OSTF1: variants seen among roughly 807,000 people sequenced by gnomAD.
OSTF1 encodes the protein osteoclast stimulating factor 1, also known as osteoclast-stimulating factor 1.
Under a neutral mutation model 37.2 loss-of-function variants are expected in OSTF1, and 27 were observed. That is an observed-to-expected ratio of 0.73 (90% CI 0.54 to 1.00). The LOEUF (loss-of-function observed/expected upper bound fraction) is 1.00, where lower values mean the gene tolerates loss of function less well. Ranked by LOEUF, OSTF1 falls within the 50% of genes least tolerant of loss-of-function variation. The pLI is 0.00. For synonymous variants in OSTF1, 82 were observed against 89.2 expected, an observed-to-expected ratio of 0.92 and a Z score of 0.46; for missense variants, 232 against 253.8, an observed-to-expected ratio of 0.91 and a Z score of 0.58.
intron 1 of OSTF1, among the ~76,000 whole-genome samples, chr9:75,095,530 A>G (rs1825060545): frequency 6.6e-6 from 1 of 152,160 alleles, no homozygotes; most frequent in African/African-American, 2.4e-5. Context: ...AAGGGGGAAA[A>G]GTCATTTGAT....
At chr9:75,134,478 T>C (rs2118599156) in intron 7 of OSTF1, 83 bp downstream of exon 7, 1 of 699,998 alleles carries the variant, frequency 1.4e-6, no homozygotes, top group South Asian at 1.8e-5. Context: ...ATGTGAAGTA[T>C]TGTAGTCAAA....
At chr9:75,139,040 T>C (rs1327431703) in intron 8 of OSTF1, among the ~76,000 whole-genome samples, 1 of 144,836 alleles carries the variant, frequency 6.9e-6, no homozygotes, top group South Asian at 2.2e-4. Flanking sequence ...CTTTCTTTCT[T>C]TCTTTCTTTC....
At chr9:75,128,784 A>G (rs768923903) in intron 3 of OSTF1, among the ~76,000 whole-genome samples, 1 of 151,380 alleles carries the variant, frequency 6.6e-6, no homozygotes, top group Non-Finnish European at 1.5e-5. Context: ...TTTTCAGCAT[A>G]GCAAAAAGGA....
Position 75,088,621 on chromosome 9 carries a change from G to A in OSTF1, c.-72G>A, listed in dbSNP as rs1032741482. On this transcript the variant is annotated 5_prime_UTR_variant, in exon 1 of 10. Coordinates refer to ENST00000346234, the MANE Select transcript of OSTF1 (RefSeq NM_012383.5). Reference sequence around the variant, plus strand: ...CCAGACAAAAAGAACTGGGGTGCCCGGAGTGCCAGGTGGCGGGCAAGCGGT... The same window carrying A: ...CCAGACAAAAAGAACTGGGGTGCCCAGAGTGCCAGGTGGCGGGCAAGCGGT... 11 of 1,497,110 alleles carry A rather than the reference G, an allele frequency of 7.3e-6. No individual in the cohort carries two copies. In the African/African-American group the frequency reaches 1.1e-4, roughly 15 times the overall value. 92.7% of individuals were successfully genotyped at this position (1,497,110 alleles called of 1,614,324 possible). A position where few individuals can be genotyped will look rare whatever the true frequency, so the allele number is the denominator to read the frequency against.
At chr9:75,135,552 C>A (rs1825829139) in intron 7 of OSTF1, among the ~76,000 whole-genome samples, 1 of 152,170 alleles carries the variant, frequency 6.6e-6, no homozygotes, top group Admixed American at 6.5e-5. Flanking sequence ...ATTGAACCTT[C>A]AGTTTTCTTA....
At chr9:75,105,755 T>C (rs1389383241) in intron 1 of OSTF1, among the ~76,000 whole-genome samples, 1 of 152,196 alleles carries the variant, frequency 6.6e-6, no homozygotes, top group East Asian at 1.9e-4. Context: ...GAACCATTGC[T>C]TTCTTTCTCT....
intron 1 of OSTF1, among the ~76,000 whole-genome samples, chr9:75,101,111 C>T (rs1468863749): frequency 6.6e-6 from 1 of 152,210 alleles, no homozygotes; most frequent in Admixed American, 6.5e-5. Flanking sequence ...CCAGATCCTC[C>T]TGACTTCTGC....
chr9:75,133,961 A>G (rs1825805395), intron 6 of OSTF1, among the ~76,000 whole-genome samples: 1 of 152,208 alleles, frequency 6.6e-6, no homozygotes, highest in African/African-American at 2.4e-5. Context: ...AATAAACTCA[A>G]CAACAATAAG....
At chr9:75,139,109 C>G (rs1357833955) in intron 8 of OSTF1, among the ~76,000 whole-genome samples, 1 of 136,298 alleles carries the variant, frequency 7.3e-6, no homozygotes, top group East Asian at 2.1e-4. Flanking sequence ...GTGGCATGAT[C>G]TCGGCTCATT....
chr9:75,127,559 T>C lies in OSTF1; in HGVS notation c.82-10T>C, dbSNP rs866410978. ...AATCACATGGAGTCAAACTTTTTTTTTTCTTCTAGCCAGATGAATTATACT... is the reference window on the plus strand; with the variant it reads ...AATCACATGGAGTCAAACTTTTTTTCTTCTTCTAGCCAGATGAATTATACT... On this transcript the variant is annotated splice_polypyrimidine_tract_variant and intron_variant, in intron 2 of 9. Transcript: ENST00000346234. 14 of 1,541,900 alleles carry C rather than the reference T, an allele frequency of 9.1e-6. 1 individual carries two copies. In the East Asian group the frequency reaches 2.1e-4, roughly 23 times the overall value.
intron 1 of OSTF1, among the ~76,000 whole-genome samples, chr9:75,092,510 C>T (rs1177184247): frequency 6.6e-6 from 1 of 152,124 alleles, no homozygotes; most frequent in Non-Finnish European, 1.5e-5. Flanking sequence ...CCCATATTTA[C>T]AAGTGGATGG....
At chr9:75,139,447 T>C (rs993077285) in intron 8 of OSTF1, among the ~76,000 whole-genome samples, 1 of 152,164 alleles carries the variant, frequency 6.6e-6, no homozygotes, top group Non-Finnish European at 1.5e-5. Context: ...TTGGTTTTCT[T>C]TGAGACTGTC....
chr9:75,088,704 G>T lies in OSTF1; in HGVS notation c.12G>T (p.Pro4=). ...CTCCAGGAAGCGAGATGTCGAAGCC[G>T]CCACCCAAACCAGTCAAACCAGGTG... is the stretch of plus-strand genomic sequence containing the variant. MSK[P]PPKPVKPGQV... is the part of the protein sequence containing the mutation. Residue 4 remains proline, a synonymous_variant, in exon 1 of 10, where the codon CCG becomes CCT. Transcript: ENST00000346234. 6.2e-7 allele frequency: 1 copy of T among 1,609,056 alleles called. No homozygotes were observed. Among genetic ancestry groups the T allele is most frequent in the Non-Finnish European group, 8.5e-7 (1 of 1,177,552 alleles).
intron 2 of OSTF1, among the ~76,000 whole-genome samples, chr9:75,123,429 C>CA (rs1012913412): frequency 1.8e-4 from 28 of 151,814 alleles, no homozygotes; most frequent in African/African-American, 6.8e-4. Flanking sequence ...CTCAAAAAAA[C>CA]AAAAAAACAA....
chr9:75,119,622 C>G (rs946155287), intron 2 of OSTF1, among the ~76,000 whole-genome samples: 1 of 152,302 alleles, frequency 6.6e-6, no homozygotes, highest in African/African-American at 2.4e-5. Flanking sequence ...CTCTCCATGT[C>G]TTCTTATGGT....
intron 4 of OSTF1, among the ~76,000 whole-genome samples, chr9:75,130,869 T>C (rs1292898799): frequency 6.6e-6 from 1 of 152,008 alleles, no homozygotes; most frequent in Non-Finnish European, 1.5e-5. Flanking sequence ...TAACCCAAGG[T>C]TTCCAAGGAA....
chr9:75,105,286 G>C (rs1190257767), intron 1 of OSTF1, among the ~76,000 whole-genome samples: 3 of 152,108 alleles, frequency 2.0e-5, no homozygotes, highest in Non-Finnish European at 2.9e-5. Flanking sequence ...AGGACTACAA[G>C]GTAGAGGTCT....
intron 2 of OSTF1, among the ~76,000 whole-genome samples, chr9:75,125,429 T>C (rs937453456): frequency 2.0e-5 from 3 of 152,180 alleles, no homozygotes; most frequent in East Asian, 1.9e-4. Flanking sequence ...TGAGAGAATA[T>C]TAGTGGTCAT....
intron 8 of OSTF1, among the ~76,000 whole-genome samples, chr9:75,139,779 C>T (rs1374737931): frequency 2.6e-5 from 4 of 152,226 alleles, no homozygotes; most frequent in African/African-American, 9.7e-5. Context: ...GGTATTACAA[C>T]TGATACCACA....
Sources: gnomAD v4.1 joint callset for allele counts (sites outside exome capture counted in the v4.1 genomes callset) on GRCh38, gnomAD v4.1.1 for gene constraint, MANE v1.5 for transcripts, NCBI Gene and HGNC (gene_info 2026-07-23, HGNC 2026-07-21) for gene names.